Variants in CEMIP2 observed in about 807,000 individuals in gnomAD.
CEMIP2 encodes the protein cell surface hyaluronidase CEMIP2.
Under a neutral mutation model 146.9 loss-of-function variants are expected in CEMIP2, and 79 were observed. The observed-to-expected ratio is 0.54, with a 90% CI of 0.45 to 0.65. The LOEUF (loss-of-function observed/expected upper bound fraction) is 0.65, where lower values mean the gene tolerates loss of function less well. CEMIP2 is among the 30% of genes least tolerant of loss of function. CEMIP2 has a pLI of 0.00. For missense variants in CEMIP2, 1,596 were observed against 1,696.2 expected (o/e 0.94, Z 1.04); for synonymous variants, 601 against 606.3 (o/e 0.99, Z 0.13).
Position 71,725,656 on chromosome 9 carries a change from T to C in CEMIP2, c.2103A>G (p.Gly701=). ...GTTCTGGTTTTGCCAAGAGCTGCAATCCACTGGATTCCCCAGTTGGTTCCT... is the reference window on the plus strand; with the variant it reads ...GTTCTGGTTTTGCCAAGAGCTGCAACCCACTGGATTCCCCAGTTGGTTCCT... ...FHKEPTGESS[G]LQLLAKPELT... is the part of the protein sequence containing the mutation. Residue 701 remains glycine (G), a synonymous_variant, in exon 11 of 24, where the codon GGA becomes GGG. Transcript: ENST00000377044. 1.2e-6 allele frequency: 2 copies of C among 1,614,048 alleles called. No homozygotes were observed. The highest frequency in any genetic ancestry group is 1.7e-6 in the Non-Finnish European group (2 of 1,179,964).
intron 11 of CEMIP2, among the ~76,000 whole-genome samples, chr9:71,723,136 G>GGAAAAAAA: frequency 9.6e-6 from 1 of 104,230 alleles, no homozygotes; most frequent in Non-Finnish European, 1.8e-5. Context: ...AACAGCCAAA[G>GGAAAAAAA]AAAAAAAAAA....
chr9:71,749,334 A>G (rs923744629), intron 2 of CEMIP2, among the ~76,000 whole-genome samples: 3 of 152,082 alleles, frequency 2.0e-5, no homozygotes, highest in Admixed American at 6.6e-5. Flanking sequence ...TCAAGCCACA[A>G]ACACAAATAT....
intron 19 of CEMIP2, chr9:71,699,120 T>G (rs1432593689): frequency 6.3e-6 from 1 of 158,116 alleles, no homozygotes; most frequent in Non-Finnish European, 1.4e-5. Context: ...TCAGGATTCT[T>G]GAAATACCCA....
chr9:71,730,317 C>T (rs886781241), intron 8 of CEMIP2, 64 bp from the exon 9 acceptor site: 101 of 1,499,626 alleles, frequency 6.7e-5, no homozygotes, highest in South Asian at 2.2e-4. Flanking sequence ...AAGTGACAAG[C>T]GCTATCCAGT....
intron 4 of CEMIP2, among the ~76,000 whole-genome samples, chr9:71,741,631 G>GTTTTTTTCTTTTTTTTTTTTT (rs1823919797): frequency 1.4e-5 from 1 of 73,124 alleles, no homozygotes; most frequent in Non-Finnish European, 2.4e-5. Context: ...TTCTTTTCTG[G>GTTTTTTTCTTTTTTTTTTTTT]TTTTTTTTTT....
chr9:71,719,754 A>C (rs1029158885), intron 12 of CEMIP2, among the ~76,000 whole-genome samples: 1 of 147,262 alleles, frequency 6.8e-6, no homozygotes, highest in Admixed American at 6.9e-5. Flanking sequence ...CTGGCATTGT[A>C]GTTCCTGCCA....
chr9:71,760,287 C>T (rs1223456766), intron 1 of CEMIP2, among the ~76,000 whole-genome samples: 1 of 152,192 alleles, frequency 6.6e-6, no homozygotes, highest in Non-Finnish European at 1.5e-5. Flanking sequence ...GCCACAGTTT[C>T]ACTAAAGTGG....
Position 71,750,016 on chromosome 9 carries a change from G to A in CEMIP2, c.331+27C>T, listed in dbSNP as rs143059065. Reference sequence around the variant, plus strand: ...CCTCCTCTTTTGTCTTCTAGAATATGTTCTATGTGCATATACACACACTTA... The same window carrying A: ...CCTCCTCTTTTGTCTTCTAGAATATATTCTATGTGCATATACACACACTTA... On this transcript the variant is annotated intron_variant, in intron 2 of 23. Transcript: ENST00000377044. 25 of 1,544,018 alleles carry A rather than the reference G, an allele frequency of 1.6e-5. No homozygotes were observed. The East Asian group carries it at 4.7e-4, about 29-fold the overall frequency.
At chr9:71,738,877 G>C (rs1380424306) in intron 5 of CEMIP2, among the ~76,000 whole-genome samples, 1 of 151,972 alleles carries the variant, frequency 6.6e-6, no homozygotes. Flanking sequence ...ATTTTGATTT[G>C]AAAGATCACT....
At position 71,730,094 on chromosome 9, in the gene CEMIP2, C is replaced by G. The variant is rs373076617; in HGVS notation, c.1933G>C (p.Asp645His). 7.4e-6 allele frequency: 12 copies of G among 1,614,166 alleles called. No homozygotes were observed. The Middle Eastern group carries it at 6.6e-4, about 89-fold the overall frequency. Residue 645 changes from aspartate (D) to histidine (H), a missense_variant, in exon 9 of 24, where the codon GAT (aspartate) becomes CAT (histidine). By Grantham distance (81) the Asp-to-His change is moderately conservative. Coordinates refer to ENST00000377044, the MANE Select transcript of CEMIP2 (RefSeq NM_013390.3). ...GGAATGTAATTTCCAAACACTTTAT[C>G]TCGCATGGTGGTACACATGGAGTTG... Reference protein sequence around the residue: ...RNNSMCTTMRDKVFGNYIPVP... With the variant: ...RNNSMCTTMRHKVFGNYIPVP...
At chr9:71,728,711 T>C (rs1167552496) in intron 10 of CEMIP2, among the ~76,000 whole-genome samples, 2 of 152,034 alleles carry the variant, frequency 1.3e-5, no homozygotes, top group Non-Finnish European at 1.5e-5. Context: ...AAGCCTTACA[T>C]TCAACAAAAG....
chr9:71,740,910 C>T (rs1823894800), intron 4 of CEMIP2, among the ~76,000 whole-genome samples: 1 of 152,168 alleles, frequency 6.6e-6, no homozygotes, highest in Admixed American at 6.5e-5. Flanking sequence ...AATTAGATTG[C>T]TGGCCCCACT....
At chr9:71,700,583 C>T in intron 19 of CEMIP2, 59 bp downstream of exon 19, 1 of 1,507,498 alleles carries the variant, frequency 6.6e-7, no homozygotes, top group Non-Finnish European at 8.9e-7. Flanking sequence ...GAAGAACTAG[C>T]AATTTCACCA....
In CEMIP2 at chr9:71,709,385, A is replaced by G. The variant is rs1276080698; in HGVS notation, c.2859T>C (p.Ile953=). 1.2e-6 allele frequency: 2 copies of G among 1,614,066 alleles called. No homozygotes were observed. The highest frequency in any genetic ancestry group is 2.2e-5 in the East Asian group (1 of 44,894). Residue 953 remains isoleucine, a synonymous_variant, in exon 17 of 24, where the codon ATT becomes ATC. Transcript: ENST00000377044. ...DGDKNSIFHD[I]DGSVTGYKDA... ...CCTTGTATCCTGTCACAGAGCCATC[A>G]ATGTCATGGAATATGGAGTTCTTAT...
chr9:71,697,934 AC>A (rs755473120), intron 20 of CEMIP2, 50 bp downstream of exon 20: 23 of 1,567,538 alleles, frequency 1.5e-5, no homozygotes, highest in Middle Eastern at 2.2e-4. Context: ...TTGCAAAGAA[AC>A]CCTCTGACTT....
At chr9:71,750,590 C>T (rs1232974630) in intron 1 of CEMIP2, among the ~76,000 whole-genome samples, 4 of 150,900 alleles carry the variant, frequency 2.7e-5, no homozygotes, top group East Asian at 1.9e-4. Flanking sequence ...TAGAGGCATG[C>T]ACCACCACGC....
chr9:71,768,266 G>A (rs1247922632), intron 1 of CEMIP2, 91 bp downstream of exon 1: 1 of 148,940 alleles, frequency 6.7e-6, no homozygotes, highest in Non-Finnish European at 1.5e-5. Context: ...AAAGGTGGGC[G>A]AGACCCGGGT....
At chr9:71,704,531 A>G (rs1822671911) in intron 18 of CEMIP2, 64 bp downstream of exon 18, 1 of 1,572,414 alleles carries the variant, frequency 6.4e-7, no homozygotes, top group African/African-American at 1.4e-5. Context: ...GACATAAGTT[A>G]TTCTTTTTCT....
At chr9:71,717,884 TA>T (rs1034806404) in intron 13 of CEMIP2, 63 bp downstream of exon 13, 34 of 1,474,232 alleles carry the variant, frequency 2.3e-5, no homozygotes, top group East Asian at 4.7e-5. Flanking sequence ...CTACTGGCTT[TA>T]AAAAAAATCT....
Sources: allele counts gnomAD v4.1 joint callset (sites outside exome capture counted in the v4.1 genomes callset), GRCh38; gene constraint gnomAD v4.1.1; transcripts MANE v1.5; gene names NCBI Gene and HGNC (gene_info 2026-07-23, HGNC 2026-07-21).